Variants in PARD3B observed in about 807,000 individuals in gnomAD.
PARD3B encodes partitioning defective 3 homolog B.
PARD3B carries 103 observed loss-of-function variants against 130.2 expected under a neutral mutation model. The observed-to-expected ratio is 0.79, with a 90% CI of 0.67 to 0.93. The LOEUF is 0.93. Ranked by LOEUF, PARD3B falls within the 40% of genes least tolerant of loss-of-function variation. The pLI, the probability that PARD3B is intolerant of heterozygous loss-of-function variation, is 0.00. For synonymous variants in PARD3B, 583 were observed against 553.2 expected, an observed-to-expected ratio of 1.05 and a Z score of -0.76; for missense variants, 1,609 against 1,499.2, an observed-to-expected ratio of 1.07 and a Z score of -1.21.
At chr2:204,550,036 G>T (rs765414543) in intron 1 of PARD3B, among the ~76,000 whole-genome samples, 4 of 151,956 alleles carry the variant, frequency 2.6e-5, no homozygotes, top group African/African-American at 4.8e-5. Context: ...TCCTATAGAA[G>T]GTGCTCAAAT....
At chr2:204,924,015 A>G (rs1687394620) in intron 2 of PARD3B, among the ~76,000 whole-genome samples, 1 of 152,102 alleles carries the variant, frequency 6.6e-6, no homozygotes, top group South Asian at 2.1e-4. Flanking sequence ...ATTTCAGGAA[A>G]TATTTTATTA....
chr2:205,360,648 G>T (rs1286236580), intron 18 of PARD3B, among the ~76,000 whole-genome samples: 1 of 152,136 alleles, frequency 6.6e-6, no homozygotes, highest in Admixed American at 6.5e-5. Flanking sequence ...AGTGCCCTGG[G>T]GTTGGGGCAT....
rs868232958 is a variant in PARD3B at position 205,499,917 on chromosome 2, C to A, written c.3066C>A (p.Ser1022Arg). Residue 1022 changes from serine to arginine, a missense_variant, in exon 21 of 23, where the codon AGC becomes AGA. Physicochemically the swap from Ser to Arg is moderately radical, Grantham distance 110. Coordinates refer to ENST00000406610, the MANE Select transcript of PARD3B (RefSeq NM_001302769.2). The stretch of plus-strand genomic sequence containing the variant: ...GTAGTGGCCGTCCTACGGGTGGAAG[C>A]ACTGACCGTATCCAGAAGTTGCGGA... ...PADSGRPTGGSTDRIQKLRKE... is the reference protein window; with the variant it reads ...PADSGRPTGGRTDRIQKLRKE... 6.2e-7 allele frequency: 1 copy of A among 1,613,600 alleles called. No individual in the cohort carries two copies. The highest frequency in any genetic ancestry group is 1.7e-5 in the Admixed American group (1 of 59,996).
chr2:205,537,726 T>C (rs374765558), intron 21 of PARD3B, among the ~76,000 whole-genome samples: 2 of 152,162 alleles, frequency 1.3e-5, no homozygotes, highest in Non-Finnish European at 2.9e-5. Flanking sequence ...TCTCTCCTCA[T>C]CCAGTCACTA....
chr2:205,474,765 A>G (rs1311584316), intron 20 of PARD3B, among the ~76,000 whole-genome samples: 1 of 152,180 alleles, frequency 6.6e-6, no homozygotes, highest in Non-Finnish European at 1.5e-5. Context: ...TAATGCAGAA[A>G]ATAGCTAATT....
At chr2:205,235,915 T>A (rs2039041954) in intron 15 of PARD3B, among the ~76,000 whole-genome samples, 1 of 152,160 alleles carries the variant, frequency 6.6e-6, no homozygotes, top group Non-Finnish European at 1.5e-5. Context: ...GGTAAAGTCA[T>A]AGAAACCAAA....
In PARD3B at chr2:205,581,285, T is replaced by TATATAGATATATATAGATATAG. The variant is rs1559238238; in HGVS notation, c.3260+27885_3260+27886insTAGATATATATAGATATAGATA. Among the ~76,000 whole-genome samples the TATATAGATATATATAGATATAG allele has an allele frequency of 1.0e-4, 8 of 79,674 alleles. No homozygotes were observed. In the East Asian group the frequency reaches 2.5e-3, roughly 25 times the overall value. 52.3% of individuals were successfully genotyped at this position (79,674 alleles called of 152,430 possible). A position where few individuals can be genotyped will look rare whatever the true frequency, so the allele number is the denominator to read the frequency against. ...AGATATAGATAGATAGATATAGATA[T>TATATAGATATATATAGATATAG]ATAGATAGATATAGATAGATAGATA... On this transcript the variant is annotated intron_variant, in intron 22 of 22. Coordinates refer to ENST00000406610, the MANE Select transcript of PARD3B (RefSeq NM_001302769.2).
At chr2:205,136,191 G>T (rs1169105756) in intron 10 of PARD3B, among the ~76,000 whole-genome samples, 1 of 152,146 alleles carries the variant, frequency 6.6e-6, no homozygotes, top group Non-Finnish European at 1.5e-5. Context: ...GGCTTGAAAT[G>T]TTGTTTCAAT....
chr2:204,602,595 C>T (rs1215166045), intron 1 of PARD3B, among the ~76,000 whole-genome samples: 1 of 151,850 alleles, frequency 6.6e-6, no homozygotes, highest in Non-Finnish European at 1.5e-5. Context: ...TACCTTTTTC[C>T]ATTGTCACAG....
At chr2:205,052,703 G>T (rs2125427230) in intron 4 of PARD3B, among the ~76,000 whole-genome samples, 1 of 152,036 alleles carries the variant, frequency 6.6e-6, no homozygotes, top group South Asian at 2.1e-4. Flanking sequence ...AAGTTAAGAA[G>T]TAGAGAATTA....
At chr2:204,933,499 G>T (rs1008531693) in intron 2 of PARD3B, among the ~76,000 whole-genome samples, 2 of 152,112 alleles carry the variant, frequency 1.3e-5, no homozygotes, top group African/African-American at 4.8e-5. Context: ...CATATTAACA[G>T]TTATTTTCAC....
At chr2:204,568,950 C>G (rs1196753347) in intron 1 of PARD3B, among the ~76,000 whole-genome samples, 1 of 129,392 alleles carries the variant, frequency 7.7e-6, no homozygotes, top group African/African-American at 3.9e-5. Context: ...GTGAGACTGT[C>G]TCAGGAAAAA....
chr2:205,377,062 A>G (rs1297397625), intron 18 of PARD3B, among the ~76,000 whole-genome samples: 1 of 152,202 alleles, frequency 6.6e-6, no homozygotes, highest in Non-Finnish European at 1.5e-5. Context: ...TACACACTTT[A>G]TAACAAGTCT....
At chr2:204,868,690 G>A (rs1004091300) in intron 2 of PARD3B, among the ~76,000 whole-genome samples, 9 of 152,032 alleles carry the variant, frequency 5.9e-5, no homozygotes, top group African/African-American at 1.2e-4. Context: ...TTTTACTGTC[G>A]TTGTCATAAA....
At chr2:204,952,724 C>T (rs1453312509) in intron 2 of PARD3B, among the ~76,000 whole-genome samples, 6 of 152,046 alleles carry the variant, frequency 3.9e-5, no homozygotes, top group African/African-American at 9.7e-5. Flanking sequence ...CACGGTCAGG[C>T]GCGGTGGCTC....
chr2:204,685,151 A>G (rs2037017061), intron 1 of PARD3B, among the ~76,000 whole-genome samples: 1 of 152,198 alleles, frequency 6.6e-6, no homozygotes, highest in Non-Finnish European at 1.5e-5. Context: ...TATCCCTAAT[A>G]AAGATTTGTA....
At chr2:205,254,341 T>G (rs1161108925) in intron 16 of PARD3B, among the ~76,000 whole-genome samples, 2 of 152,094 alleles carry the variant, frequency 1.3e-5, no homozygotes, top group African/African-American at 4.8e-5. Flanking sequence ...GAAGGTGAGC[T>G]CTTACATAAT....
At chr2:205,042,419 GT>G (rs1387675417) in intron 3 of PARD3B, among the ~76,000 whole-genome samples, 1 of 152,128 alleles carries the variant, frequency 6.6e-6, no homozygotes, top group African/African-American at 2.4e-5. Context: ...GAGTGTGTAA[GT>G]TTTTCCTGAA....
At chr2:205,132,788 A>C (rs1394869947) in intron 10 of PARD3B, among the ~76,000 whole-genome samples, 1 of 152,154 alleles carries the variant, frequency 6.6e-6, no homozygotes, top group Admixed American at 6.5e-5. Flanking sequence ...ATGAGGATAA[A>C]AGCAACACCT....
Sources: gnomAD v4.1 joint callset for allele counts (sites outside exome capture counted in the v4.1 genomes callset) on GRCh38, gnomAD v4.1.1 for gene constraint, MANE v1.5 for transcripts, NCBI Gene and HGNC (gene_info 2026-07-23, HGNC 2026-07-21) for gene names.